KCTD1: variants seen among roughly 807,000 people sequenced by gnomAD.
KCTD1 encodes the protein potassium channel tetramerization domain containing 1.
KCTD1 carries 24 observed loss-of-function variants against 66.0 expected under a neutral mutation model. The ratio of observed to expected loss-of-function variants is 0.36; its 90% CI spans 0.26 to 0.51. The LOEUF is 0.51. Ranked by LOEUF, KCTD1 falls within the 20% of genes least tolerant of loss-of-function variation. The probability of loss-of-function intolerance (pLI) is 0.95; values close to 1 mark genes in which losing one functional copy is unlikely to be tolerated. For missense variants in KCTD1, 943 were observed against 1,205.2 expected (o/e 0.78, Z 3.22); for synonymous variants, 511 against 517.2 (o/e 0.99, Z 0.16).
upstream of KCTD1, among the ~76,000 whole-genome samples, chr18:26,644,202 C>A (rs1987890292): frequency 6.6e-6 from 1 of 152,070 alleles, no homozygotes; most frequent in South Asian, 2.1e-4. Context: ...CATGTAAATA[C>A]TGGATGAATG....
chr18:26,484,181 G>A (rs1188334263), intron 2 of KCTD1, among the ~76,000 whole-genome samples: 1 of 152,098 alleles, frequency 6.6e-6, no homozygotes, highest in African/African-American at 2.4e-5. Flanking sequence ...CCAGACTCAA[G>A]AAATTTCATC....
chr18:26,639,626 A>G (rs1056417830), intron 1 of KCTD1, among the ~76,000 whole-genome samples: 15 of 152,108 alleles, frequency 9.9e-5, no homozygotes, highest in Non-Finnish European at 4.4e-5. Flanking sequence ...TATTCTTATT[A>G]TCTCTCTCCC....
At position 26,476,733 on chromosome 18, in the gene KCTD1, T is replaced by C; in HGVS notation, c.1989-74A>G. On this transcript the variant is annotated intron_variant, in intron 2 of 4. Coordinates refer to ENST00000580059, the MANE Select transcript of KCTD1 (RefSeq NM_001142730.3). The surrounding 1 kb of genome is among the most constrained non-coding windows in gnomAD (Gnocchi z 4.9). The stretch of plus-strand genomic sequence containing the variant: ...GGCACTAGGACTAAGAGGTGTCTTT[T>C]ATCACTGTCAAAGGTAGCACTTTTG... 1 of 1,367,052 alleles carries C rather than the reference T, an allele frequency of 7.3e-7. No individual in the cohort carries two copies. 84.7% of individuals were successfully genotyped at this position (1,367,052 alleles called of 1,614,324 possible).
intron 1 of KCTD1, among the ~76,000 whole-genome samples, chr18:26,627,262 T>TTG (rs59902249): frequency 0.06 from 8,760 of 145,894 alleles, 275 homozygotes; most frequent in African/African-American, 0.076. Context: ...CTTCTGGGTT[T>TTG]TGTGTGTGTG....
rs946096861 is a variant in KCTD1 at position 26,500,103 on chromosome 18, G to A, written c.1988+969C>T. On this transcript the variant is annotated intron_variant, in intron 2 of 4. Coordinates refer to ENST00000580059, the MANE Select transcript of KCTD1 (RefSeq NM_001142730.3). ...TTGAGACCAGTCTGGGCAACATAGC[G>A]CGACCCCATCTCTACAAAAAATAAA... Among the ~76,000 whole-genome samples, 6 of 151,636 alleles carry A rather than the reference G, an allele frequency of 4.0e-5. 1 individual carries two copies. The South Asian group carries it at 1.0e-3, about 26-fold the overall frequency.
At chr18:26,489,978 C>T (rs1017032063) in intron 2 of KCTD1, among the ~76,000 whole-genome samples, 3 of 152,044 alleles carry the variant, frequency 2.0e-5, no homozygotes, top group African/African-American at 7.3e-5. Flanking sequence ...AGGGTAGACT[C>T]GAAATACGAT....
chr18:26,566,159 T>G (rs1481662784), intron 1 of KCTD1: 1 of 152,234 alleles, frequency 6.6e-6, no homozygotes, highest in African/African-American at 2.4e-5. Flanking sequence ...TGGTATCAGA[T>G]AGCTGTAATC....
upstream of KCTD1, chr18:26,549,018 C>G (rs981389995): frequency 2.0e-6 from 2 of 985,118 alleles, no homozygotes; most frequent in African/African-American, 1.8e-5. Flanking sequence ...CATTGCCCCC[C>G]GGAGCCGGGG....
chr18:26,517,658 CAAAAAA>C (rs968619785), intron 1 of KCTD1, among the ~76,000 whole-genome samples: 2 of 53,398 alleles, frequency 3.7e-5, no homozygotes, highest in African/African-American at 1.7e-4. Flanking sequence ...ACTCCGTCTC[CAAAAAA>C]AAAAAAAAAA....
At chr18:26,511,113 T>C (rs1284523297) in intron 1 of KCTD1, among the ~76,000 whole-genome samples, 1 of 152,216 alleles carries the variant, frequency 6.6e-6, no homozygotes. Flanking sequence ...TATATACTCT[T>C]GACACAGTGC....
intron 1 of KCTD1, among the ~76,000 whole-genome samples, chr18:26,559,960 G>T (rs1479764783): frequency 1.3e-5 from 2 of 152,136 alleles, no homozygotes; most frequent in African/African-American, 4.8e-5. Context: ...TCTCGGATTT[G>T]CATTTGGCTT....
intron 1 of KCTD1, among the ~76,000 whole-genome samples, chr18:26,609,657 T>C (rs549308891): frequency 2.6e-5 from 4 of 152,358 alleles, no homozygotes; most frequent in African/African-American, 7.2e-5. Flanking sequence ...TAGTTCAGAT[T>C]GACTCCAATG....
chr18:26,563,621 T>C (rs894214928), intron 1 of KCTD1, among the ~76,000 whole-genome samples: 6 of 152,234 alleles, frequency 3.9e-5, no homozygotes, highest in Non-Finnish European at 5.9e-5. Flanking sequence ...GAATGTAGTA[T>C]AGTGGCGAGT....
intron 1 of KCTD1, among the ~76,000 whole-genome samples, chr18:26,582,731 T>C (rs1986383412): frequency 6.6e-6 from 1 of 151,994 alleles, no homozygotes; most frequent in Non-Finnish European, 1.5e-5. Context: ...TTTTCATGTA[T>C]AGATGTGGAA....
chr18:26,547,196 G>C lies in KCTD1; in HGVS notation c.1341C>G (p.Thr447=). The change falls in exon 1 of 5, where the codon ACC becomes ACG. Residue 447 remains threonine, a synonymous_variant. Transcript: ENST00000580059. ...MLSKAAKLSK[T]YTNHCIGAVS... Reference sequence around the variant, plus strand: ...CGGCGCCGATGCAGTGGTTGGTGTAGGTCTTGGAGAGCTTGGCCGCCTTGG... The same window carrying C: ...CGGCGCCGATGCAGTGGTTGGTGTACGTCTTGGAGAGCTTGGCCGCCTTGG... 1 of 1,551,296 alleles carries C rather than the reference G, an allele frequency of 6.4e-7. No individual in the cohort carries two copies. Among genetic ancestry groups the C allele is most frequent in the Non-Finnish European group, 8.7e-7 (1 of 1,146,988 alleles).
intron 1 of KCTD1, among the ~76,000 whole-genome samples, chr18:26,530,474 C>A (rs1372022779): frequency 2.0e-5 from 3 of 152,174 alleles, no homozygotes; most frequent in Non-Finnish European, 4.4e-5. Context: ...ATGTGGTGAA[C>A]TTTGGGGCAA....
chr18:26,546,081 GT>G (rs888822809), intron 1 of KCTD1, among the ~76,000 whole-genome samples: 1 of 152,092 alleles, frequency 6.6e-6, no homozygotes, highest in Admixed American at 6.6e-5. Context: ...ACTCCAATTT[GT>G]AGCCTGACTG....
chr18:26,511,462 A>G (rs1229470246), intron 1 of KCTD1, among the ~76,000 whole-genome samples: 4 of 152,166 alleles, frequency 2.6e-5, no homozygotes, highest in African/African-American at 9.7e-5. Context: ...ATCCAAGTAC[A>G]CTGCCTGTGT....
upstream of KCTD1, among the ~76,000 whole-genome samples, chr18:26,632,005 G>A (rs1987630503): frequency 2.0e-5 from 3 of 152,074 alleles, no homozygotes; most frequent in Admixed American, 6.6e-5. Context: ...AGCCGAGATC[G>A]CGCCACTGCA....
Sources: allele counts gnomAD v4.1 joint callset (sites outside exome capture counted in the v4.1 genomes callset), GRCh38; gene constraint gnomAD v4.1.1; non-coding constraint Gnocchi (gnomAD v3.1); transcripts MANE v1.5; gene names NCBI Gene and HGNC (gene_info 2026-07-23, HGNC 2026-07-21).